PCDHGA1: variants seen among roughly 807,000 people sequenced by gnomAD.
The protein encoded by PCDHGA1 is protocadherin gamma-A1.
A neutral mutation model predicts 58.0 loss-of-function variants in PCDHGA1; 32 were observed. That is an observed-to-expected ratio of 0.55 (90% CI 0.42 to 0.74). The LOEUF is 0.74. Among genes scored for constraint, PCDHGA1 ranks in the 30% least tolerant of loss-of-function variants. PCDHGA1 has a pLI of 0.00. For synonymous variants in PCDHGA1, 498 were observed against 501.1 expected (o/e 0.99, Z 0.08); for missense variants, 1,205 against 1,182.3 (o/e 1.02, Z -0.28).
chr5:141,425,371 G>T (rs1396857898), intron 1 of PCDHGA1, among the ~76,000 whole-genome samples: 3 of 152,186 alleles, frequency 2.0e-5, no homozygotes, highest in African/African-American at 7.2e-5. Context: ...AGAGGGTTAT[G>T]TTGATTCGGA....
chr5:141,455,149 TTA>T (rs537241375), intron 1 of PCDHGA1, among the ~76,000 whole-genome samples: 1 of 148,248 alleles, frequency 6.7e-6, no homozygotes, highest in Non-Finnish European at 1.5e-5. Context: ...TAAATAAATA[TTA>T]GTTTGTTGGT....
Position 141,339,471 on chromosome 5 carries a change from T to C in PCDHGA1, c.2421+6366T>C, listed in dbSNP as rs1212051734. On this transcript the variant is annotated intron_variant, in intron 1 of 3. Transcript: ENST00000517417. Reference sequence around the variant, plus strand: ...GATGCAGACGTAGGTGAGAACGCCCTTCAGAAGTACGCACTCAACCCAAAT... The same window carrying C: ...GATGCAGACGTAGGTGAGAACGCCCCTCAGAAGTACGCACTCAACCCAAAT... The C allele has an allele frequency of 3.1e-6, 5 of 1,614,038 alleles. No homozygotes were observed. The Admixed American group carries it at 5.0e-5, about 16-fold the overall frequency.
Position 141,395,191 on chromosome 5 carries a change from C to T in PCDHGA1, c.2421+62086C>T, listed in dbSNP as rs781685191. ...TGTGAGAAAAATGATTCTTTGTTAA[C>T]ATCCGTAGATTTTCATGAATATAAG... is the stretch of plus-strand genomic sequence containing the variant. On this transcript the variant is annotated intron_variant, in intron 1 of 3. Transcript: ENST00000517417. 8 of 1,614,074 alleles carry T rather than the reference C, an allele frequency of 5.0e-6. 1 individual carries two copies. The South Asian group carries it at 7.7e-5, about 16-fold the overall frequency.
intron 1 of PCDHGA1, among the ~76,000 whole-genome samples, chr5:141,368,493 C>G (rs1765685117): frequency 1.3e-5 from 2 of 152,068 alleles, no homozygotes; most frequent in South Asian, 4.1e-4. Flanking sequence ...AGAATCTATA[C>G]AGTAGGTGTC....
At chr5:141,339,689 C>T (rs1271385455) in intron 1 of PCDHGA1, 2 of 1,614,070 alleles carry the variant, frequency 1.2e-6, no homozygotes, top group African/African-American at 1.3e-5. Flanking sequence ...CGACAATGCG[C>T]CTGTTTTTAC....
intron 1 of PCDHGA1, chr5:141,410,784 G>T (rs1352997810): frequency 1.2e-6 from 1 of 817,034 alleles, no homozygotes; most frequent in Non-Finnish European, 1.7e-6. Context: ...CTATGTATTT[G>T]GTTCATAAGT....
In PCDHGA1 at chr5:141,486,143, G is replaced by T; in HGVS notation, c.2422-8664G>T. On this transcript the variant is annotated intron_variant, in intron 1 of 3. Coordinates refer to ENST00000517417, the MANE Select transcript of PCDHGA1 (RefSeq NM_018912.3). This position sits in a 1 kb window ranked among gnomAD's most constrained non-coding sequence, Gnocchi z 5.0. ...CTATGAATTTGATGTGCGGGCTCGC[G>T]ATGGGGGTTCTCCAGCCATGGAGCA... 6.2e-7 allele frequency: 1 copy of T among 1,614,198 alleles called. No homozygotes were observed. Among genetic ancestry groups the T allele is most frequent in the Non-Finnish European group, 8.5e-7 (1 of 1,180,030 alleles).
Position 141,389,835 on chromosome 5 carries a change from C to T in PCDHGA1, c.2421+56730C>T, listed in dbSNP as rs1238547778. 4.3e-6 allele frequency: 7 copies of T among 1,614,002 alleles called. No homozygotes were observed. The South Asian group carries it at 7.7e-5, about 18-fold the overall frequency. On this transcript the variant is annotated intron_variant, in intron 1 of 3. Transcript: ENST00000517417. ...CGCCGTGCGTGACGGTGGACAGCCA[C>T]CACTCTCGGCCACTGCCACGTTGCA...
At chr5:141,451,832 G>A (rs1190124133) in intron 1 of PCDHGA1, among the ~76,000 whole-genome samples, 1 of 150,948 alleles carries the variant, frequency 6.6e-6, no homozygotes, top group Non-Finnish European at 1.5e-5. Context: ...AGTGAGCCGA[G>A]ATCACACCAC....
In PCDHGA1 at chr5:141,432,613, G is replaced by A. The variant is rs1461837957; in HGVS notation, c.2422-62194G>A. 6.2e-7 allele frequency: 1 copy of A among 1,613,946 alleles called. No homozygotes were observed. The highest frequency in any genetic ancestry group is 1.3e-5 in the African/African-American group (1 of 75,056). On this transcript the variant is annotated intron_variant, in intron 1 of 3. Coordinates refer to ENST00000517417, the MANE Select transcript of PCDHGA1 (RefSeq NM_018912.3). The surrounding 1 kb of genome is among the most constrained non-coding windows in gnomAD (Gnocchi z 6.0). ...AGGCCAGCGAGCCGGGACTCTTCTC[G>A]GTGGGTCTGCACACGGGCGAGGTGC...
At chr5:141,496,289 G>A (rs1347634489) in intron 2 of PCDHGA1, among the ~76,000 whole-genome samples, 3 of 152,224 alleles carry the variant, frequency 2.0e-5, no homozygotes, top group Non-Finnish European at 4.4e-5. Flanking sequence ...GGTCTGAGCA[G>A]AGTGGGATAG....
intron 1 of PCDHGA1, among the ~76,000 whole-genome samples, chr5:141,468,946 C>G: frequency 7.0e-6 from 1 of 141,900 alleles, no homozygotes; most frequent in Non-Finnish European, 1.5e-5. Context: ...ATGGGGTAAA[C>G]CTGTGGTTTT....
chr5:141,349,823 G>A (rs1368268423), intron 1 of PCDHGA1, among the ~76,000 whole-genome samples: 1 of 152,012 alleles, frequency 6.6e-6, no homozygotes, highest in Non-Finnish European at 1.5e-5. Context: ...GAAAAAAATG[G>A]CAGTGTACCT....
chr5:141,406,555 A>G (rs2094824314), intron 1 of PCDHGA1, among the ~76,000 whole-genome samples: 1 of 152,224 alleles, frequency 6.6e-6, no homozygotes. Context: ...TCAGTTATCC[A>G]CTTCCAAACC....
Position 141,331,371 on chromosome 5 carries a change from C to T in PCDHGA1, c.687C>T (p.Tyr229=). ...TCCGTTCAGGGACCCTCAGAATTTA[C>T]ATTCAGGTGGTGGATGCAAATGACA... ...EPVRSGTLRI[Y]IQVVDANDNP... Residue 229 remains tyrosine (Y), a synonymous_variant, in exon 1 of 4, where the codon TAC becomes TAT. Coordinates refer to ENST00000517417, the MANE Select transcript of PCDHGA1 (RefSeq NM_018912.3). The T allele has an allele frequency of 6.2e-7, 1 of 1,614,202 alleles. No individual in the cohort carries two copies. The highest frequency in any genetic ancestry group is 1.1e-5 in the South Asian group (1 of 91,078).
chr5:141,465,801 C>T (rs1380215288), intron 1 of PCDHGA1, among the ~76,000 whole-genome samples: 2 of 151,400 alleles, frequency 1.3e-5, no homozygotes, highest in Non-Finnish European at 2.9e-5. Context: ...TTAAGAAACC[C>T]TTCAGGATCT....
rs538105673 is a variant in PCDHGA1, at chr5:141,427,796, C to T, written c.2422-67011C>T. On this transcript the variant is annotated intron_variant, in intron 1 of 3. Transcript: ENST00000517417. Reference sequence around the variant, plus strand: ...TGCGGGCACTGTCGTCCTACGTGTCCGTGAGCGCACAGAGCGGGGTGGTGG... The same window carrying T: ...TGCGGGCACTGTCGTCCTACGTGTCTGTGAGCGCACAGAGCGGGGTGGTGG... The T allele has an allele frequency of 3.6e-4, 547 of 1,502,104 alleles. 5 individuals carry two copies. In the South Asian group the frequency reaches 5.9e-3, roughly 16 times the overall value. The allele number at this position is 1,502,104 out of a possible 1,614,324, so 93.0% of individuals were successfully genotyped here.
At chr5:141,386,430 G>A (rs1257944903) in intron 1 of PCDHGA1, among the ~76,000 whole-genome samples, 2 of 152,116 alleles carry the variant, frequency 1.3e-5, no homozygotes, top group African/African-American at 4.8e-5. Flanking sequence ...TAGCCCACCT[G>A]CATGGGAGGC....
intron 1 of PCDHGA1, chr5:141,395,196 G>A (rs1431851304): frequency 5.0e-6 from 8 of 1,613,948 alleles, no homozygotes; most frequent in Admixed American, 1.7e-5. Flanking sequence ...GTTAACATCC[G>A]TAGATTTTCA....
Sources: gnomAD v4.1 joint callset for allele counts (sites outside exome capture counted in the v4.1 genomes callset) on GRCh38, gnomAD v4.1.1 for gene constraint, Gnocchi (gnomAD v3.1) non-coding constraint, MANE v1.5 for transcripts, NCBI Gene and HGNC (gene_info 2026-07-23, HGNC 2026-07-21) for gene names.